The following ZFAND3 variants were observed in gnomAD, a reference collection of about 807,000 sequenced individuals.
ZFAND3 encodes the protein zinc finger AN1-type containing 3.
Under a neutral mutation model 29.6 loss-of-function variants are expected in ZFAND3, and 10 were observed. The ratio of observed to expected loss-of-function variants is 0.34; its 90% CI spans 0.21 to 0.57. The LOEUF (loss-of-function observed/expected upper bound fraction) is 0.57. Ranked by LOEUF, ZFAND3 falls within the 20% of genes least tolerant of loss-of-function variation. The probability of loss-of-function intolerance (pLI) is 0.86; values close to 1 mark genes in which losing one functional copy is unlikely to be tolerated. For missense variants in ZFAND3, 230 were observed against 304.5 expected (o/e 0.76, Z 1.82); for synonymous variants, 128 against 112.6 (o/e 1.14, Z -0.87).
chr6:37,851,003 C>CTAATTCAG (rs1046494904), intron 1 of ZFAND3, among the ~76,000 whole-genome samples: 15 of 150,242 alleles, frequency 1.0e-4, no homozygotes, highest in Admixed American at 7.9e-4. Context: ...CACTGTCACC[C>CTAATTCAG]TAATTCAGTG....
chr6:37,984,567 A>G (rs947507833), intron 2 of ZFAND3, among the ~76,000 whole-genome samples: 8 of 152,240 alleles, frequency 5.3e-5, no homozygotes, highest in African/African-American at 1.9e-4. Flanking sequence ...TTCTGAAAAC[A>G]TTTAAATTGT....
chr6:38,012,322 C>T (rs1474970469), intron 2 of ZFAND3, among the ~76,000 whole-genome samples: 1 of 151,750 alleles, frequency 6.6e-6, no homozygotes, highest in African/African-American at 2.4e-5. Context: ...TATTTGATAT[C>T]CAAACTATTA....
chr6:37,923,499 C>A (rs923918743), intron 1 of ZFAND3, among the ~76,000 whole-genome samples: 1 of 152,218 alleles, frequency 6.6e-6, no homozygotes, highest in Non-Finnish European at 1.5e-5. Flanking sequence ...TTACAGTTAA[C>A]AACTACTTCT....
rs551595904 is a variant in ZFAND3, at chr6:37,972,914, C to T, written c.112+42915C>T. ...AAGATTCCACTTAACTGAAAGTAGA[C>T]CTGAATTATTCATGCAATTTGCCAA... On this transcript the variant is annotated intron_variant, in intron 2 of 5. Transcript: ENST00000287218. Among the ~76,000 whole-genome samples, 14 of 152,146 alleles carry T rather than the reference C, an allele frequency of 9.2e-5. 2 individuals carry two copies. In the South Asian group the frequency reaches 2.9e-3, roughly 32 times the overall value.
At chr6:37,932,332 T>C (rs892038348) in intron 2 of ZFAND3, among the ~76,000 whole-genome samples, 3 of 152,092 alleles carry the variant, frequency 2.0e-5, no homozygotes, top group African/African-American at 7.2e-5. Flanking sequence ...ATTACAGATA[T>C]GAAGAAATGC....
chr6:37,945,857 A>G (rs1276273604), intron 2 of ZFAND3, among the ~76,000 whole-genome samples: 1 of 152,234 alleles, frequency 6.6e-6, no homozygotes, highest in African/African-American at 2.4e-5. Flanking sequence ...TGAGTTTATG[A>G]AAAGCACAGC....
intron 5 of ZFAND3, among the ~76,000 whole-genome samples, chr6:38,139,107 T>A (rs184898167): frequency 2.8e-4 from 43 of 152,250 alleles, no homozygotes; most frequent in Admixed American, 9.2e-4. Context: ...TCACAGAAGA[T>A]GAAAAATAAA....
intron 5 of ZFAND3, among the ~76,000 whole-genome samples, chr6:38,148,822 C>G (rs542495759): frequency 6.6e-6 from 1 of 152,290 alleles, no homozygotes; most frequent in Admixed American, 6.5e-5. Flanking sequence ...TAGATAATAC[C>G]TGCTCAGCAT....
chr6:37,881,107 T>A (rs1448848368), intron 1 of ZFAND3, among the ~76,000 whole-genome samples: 2 of 152,166 alleles, frequency 1.3e-5, no homozygotes, highest in Non-Finnish European at 2.9e-5. Context: ...AGTCTTGCTC[T>A]ATTGCCCAGG....
intron 1 of ZFAND3, among the ~76,000 whole-genome samples, chr6:37,928,966 C>T (rs1454023362): frequency 6.6e-6 from 1 of 152,182 alleles, no homozygotes; most frequent in Non-Finnish European, 1.5e-5. Context: ...GCTTTGTGAC[C>T]TAGAACAGTC....
intron 4 of ZFAND3, among the ~76,000 whole-genome samples, chr6:38,084,117 C>T (rs1038698737): frequency 4.6e-5 from 7 of 152,118 alleles, no homozygotes; most frequent in South Asian, 2.1e-4. Flanking sequence ...CTAAAGCCTG[C>T]GCTGTTTTCC....
At chr6:38,008,970 C>T (rs531489757) in intron 2 of ZFAND3, among the ~76,000 whole-genome samples, 12 of 152,194 alleles carry the variant, frequency 7.9e-5, no homozygotes, top group African/African-American at 2.2e-4. Flanking sequence ...TTAAGAATCC[C>T]TTCAAAGTTT....
At chr6:38,005,116 C>G (rs16890307) in intron 2 of ZFAND3, among the ~76,000 whole-genome samples, 2 of 152,062 alleles carry the variant, frequency 1.3e-5, no homozygotes, top group African/African-American at 4.8e-5. Flanking sequence ...TGAGTAAGAT[C>G]AAAAATGAGA....
At chr6:37,843,097 G>C (rs1275609918) in intron 1 of ZFAND3, among the ~76,000 whole-genome samples, 1 of 146,304 alleles carries the variant, frequency 6.8e-6, no homozygotes, top group African/African-American at 2.5e-5. Context: ...ACTCCAGCCT[G>C]AGCAACAGAG....
chr6:38,048,497 C>G (rs1325700353), intron 2 of ZFAND3, among the ~76,000 whole-genome samples: 1 of 151,498 alleles, frequency 6.6e-6, no homozygotes, highest in South Asian at 2.1e-4. Context: ...TGGCAGGCAC[C>G]TATAGTCCGA....
At chr6:37,932,877 C>T (rs758313629) in intron 2 of ZFAND3, among the ~76,000 whole-genome samples, 3 of 152,306 alleles carry the variant, frequency 2.0e-5, no homozygotes, top group Middle Eastern at 3.4e-3. Flanking sequence ...ATTCGCTTCT[C>T]TCTATATTTT....
At chr6:37,946,023 AG>A (rs1761895763) in intron 2 of ZFAND3, among the ~76,000 whole-genome samples, 1 of 152,168 alleles carries the variant, frequency 6.6e-6, no homozygotes, top group South Asian at 2.1e-4. Context: ...GGTGTCTTAA[AG>A]GGTTGGTGTG....
At chr6:38,137,842 A>C (rs957021177) in intron 5 of ZFAND3, among the ~76,000 whole-genome samples, 4 of 152,174 alleles carry the variant, frequency 2.6e-5, no homozygotes, top group Non-Finnish European at 5.9e-5. Context: ...GTATCTGAGG[A>C]AGAGAAAGCT....
chr6:37,871,407 T>G (rs1326700865), intron 1 of ZFAND3, among the ~76,000 whole-genome samples: 2 of 152,250 alleles, frequency 1.3e-5, no homozygotes, highest in African/African-American at 4.8e-5. Context: ...TGCTTTAAAA[T>G]TCTTGTCTAC....
Sources: allele counts gnomAD v4.1 joint callset (sites outside exome capture counted in the v4.1 genomes callset), GRCh38; gene constraint gnomAD v4.1.1; transcripts MANE v1.5; gene names NCBI Gene and HGNC (gene_info 2026-07-23, HGNC 2026-07-21).